Variants in TLK1 observed in about 807,000 individuals in gnomAD.
TLK1 encodes the protein serine/threonine-protein kinase tousled-like 1.
TLK1 carries 24 observed loss-of-function variants against 105.3 expected under a neutral mutation model. The ratio of observed to expected loss-of-function variants is 0.23; its 90% confidence interval spans 0.17 to 0.32. The LOEUF (loss-of-function observed/expected upper bound fraction) is 0.32. Among genes scored for constraint, TLK1 ranks in the 10% least tolerant of loss-of-function variants. TLK1 has a pLI of 1.00. For missense variants in TLK1, 558 were observed against 910.5 expected (o/e 0.61, Z 4.98); for synonymous variants, 321 against 310.4 (o/e 1.03, Z -0.36).
chr2:171,016,944 G>A (rs184607920), intron 12 of TLK1, among the ~76,000 whole-genome samples: 9 of 152,202 alleles, frequency 5.9e-5, no homozygotes, highest in Admixed American at 4.6e-4. Flanking sequence ...CAAGTATTGG[G>A]AGATTTTCTA....
intron 1 of TLK1, among the ~76,000 whole-genome samples, chr2:171,203,981 G>C (rs79816345): frequency 0.15 from 22,256 of 152,104 alleles, 2,001 homozygotes; most frequent in East Asian, 0.24. Flanking sequence ...GAACCGGTGG[G>C]GGGCAGAGCT....
At chr2:171,094,351 A>T (rs946546691) in intron 2 of TLK1, among the ~76,000 whole-genome samples, 4 of 152,102 alleles carry the variant, frequency 2.6e-5, no homozygotes, top group Non-Finnish European at 2.9e-5. Context: ...TATCTAGGGG[A>T]TCTACTATGA....
intron 1 of TLK1, among the ~76,000 whole-genome samples, chr2:171,174,141 G>A (rs1036028211): frequency 6.6e-6 from 1 of 151,804 alleles, no homozygotes; most frequent in Non-Finnish European, 1.5e-5. Context: ...TTTTAATCTT[G>A]TTGTCACCTG....
chr2:171,003,629 G>A (rs1041519752), intron 18 of TLK1, among the ~76,000 whole-genome samples: 3 of 152,152 alleles, frequency 2.0e-5, no homozygotes, highest in African/African-American at 7.2e-5. Flanking sequence ...TTAATTGCTC[G>A]GAGATTAGCA....
chr2:171,061,665 G>A (rs562896503), intron 3 of TLK1, among the ~76,000 whole-genome samples: 8 of 152,254 alleles, frequency 5.3e-5, no homozygotes, highest in East Asian at 1.9e-4. Context: ...TTATCCAACC[G>A]TTATAGCCAA....
chr2:171,007,111 G>C (rs1399934237), intron 14 of TLK1, 48 bp from the exon 15 acceptor site: 1 of 1,468,926 alleles, frequency 6.8e-7, no homozygotes, highest in South Asian at 1.2e-5. Flanking sequence ...CAATTGAATA[G>C]CTGAAGAGAT....
chr2:171,109,069 T>C (rs1382916422), intron 2 of TLK1, among the ~76,000 whole-genome samples: 3 of 151,812 alleles, frequency 2.0e-5, no homozygotes, highest in Non-Finnish European at 2.9e-5. Flanking sequence ...CAAAAACAAA[T>C]GAACAGCAAG....
chr2:171,132,823 C>G (rs1691157026), intron 1 of TLK1, among the ~76,000 whole-genome samples: 1 of 152,174 alleles, frequency 6.6e-6, no homozygotes, highest in Non-Finnish European at 1.5e-5. Flanking sequence ...TATGAACACG[C>G]CACTGCATTC....
intron 3 of TLK1, among the ~76,000 whole-genome samples, chr2:171,081,236 T>C (rs2105475563): frequency 6.6e-6 from 1 of 152,296 alleles, no homozygotes; most frequent in South Asian, 2.1e-4. Flanking sequence ...AAAATCCAAA[T>C]ATTAAATCTA....
chr2:171,055,966 A>G (rs997768284), intron 6 of TLK1, among the ~76,000 whole-genome samples: 1 of 152,098 alleles, frequency 6.6e-6, no homozygotes, highest in African/African-American at 2.4e-5. Context: ...AAAACAATGC[A>G]TATAAAAGAA....
intron 1 of TLK1, among the ~76,000 whole-genome samples, chr2:171,159,235 C>G (rs1045237375): frequency 6.6e-6 from 1 of 152,194 alleles, no homozygotes; most frequent in African/African-American, 2.4e-5. Context: ...TGTGCGACAA[C>G]TAGGAGTGAA....
intron 20 of TLK1, among the ~76,000 whole-genome samples, chr2:170,996,090 C>T (rs1684047141): frequency 6.6e-6 from 1 of 151,838 alleles, no homozygotes; most frequent in Non-Finnish European, 1.5e-5. Flanking sequence ...CTTGACCTCC[C>T]TGAGCTCAGG....
chr2:171,112,433 A>G (rs1690218832), intron 2 of TLK1, among the ~76,000 whole-genome samples: 1 of 152,198 alleles, frequency 6.6e-6, no homozygotes, highest in Non-Finnish European at 1.5e-5. Context: ...ATAATTTTTA[A>G]AACCAACAAA....
At chr2:171,094,796 C>A (rs975833640) in intron 2 of TLK1, among the ~76,000 whole-genome samples, 1 of 152,038 alleles carries the variant, frequency 6.6e-6, no homozygotes, top group African/African-American at 2.4e-5. Flanking sequence ...TTAGTAGAGA[C>A]AGGGTTTCAC....
intron 1 of TLK1, among the ~76,000 whole-genome samples, chr2:171,221,397 T>G (rs1693808169): frequency 6.6e-6 from 1 of 152,170 alleles, no homozygotes; most frequent in Admixed American, 6.5e-5. Context: ...AAGGAGTGCC[T>G]ATTGTGGTAC....
chr2:171,008,119 G>A (rs1433492814), intron 14 of TLK1, among the ~76,000 whole-genome samples: 2 of 152,106 alleles, frequency 1.3e-5, no homozygotes, highest in African/African-American at 4.8e-5. Flanking sequence ...AAGCAGTAAA[G>A]TGACTACTTT....
At chr2:171,193,699 CA>C (rs1461079921) in intron 1 of TLK1, among the ~76,000 whole-genome samples, 1,156 of 103,144 alleles carry the variant, frequency 0.011, 96 homozygotes, top group African/African-American at 0.018. Flanking sequence ...CAGCGCCTGG[CA>C]TTTTTTTTTT....
intron 12 of TLK1, among the ~76,000 whole-genome samples, chr2:171,026,545 CTGAAATT>C (rs1232895752): frequency 6.6e-6 from 1 of 152,118 alleles, no homozygotes; most frequent in Non-Finnish European, 1.5e-5. Context: ...AAAGAGTAAT[CTGAAATT>C]TGGTATTACA....
intron 1 of TLK1, among the ~76,000 whole-genome samples, chr2:171,131,344 A>G (rs910488677): frequency 6.6e-6 from 1 of 152,188 alleles, no homozygotes; most frequent in East Asian, 1.9e-4. Context: ...GTGTCCTCAC[A>G]AATTACTGTA....
Sources: allele counts gnomAD v4.1 joint callset (sites outside exome capture counted in the v4.1 genomes callset), GRCh38; gene constraint gnomAD v4.1.1; transcripts MANE v1.5; gene names NCBI Gene and HGNC (gene_info 2026-07-23, HGNC 2026-07-21).